Variants in IDH2 observed in about 807,000 individuals in gnomAD.
IDH2 encodes the protein isocitrate dehydrogenase (NADP(+)) 2.
A neutral mutation model predicts 50.5 loss-of-function variants in IDH2; 18 were observed. That is an observed-to-expected ratio of 0.36 (90% CI 0.25 to 0.53). The LOEUF is 0.53. Among genes scored for constraint, IDH2 ranks in the 20% least tolerant of loss-of-function variants. The pLI is 0.92. For missense variants in IDH2, 518 were observed against 610.7 expected (o/e 0.85, Z 1.60); for synonymous variants, 280 against 239.8 (o/e 1.17, Z -1.55).
Position 90,100,380 on chromosome 15 carries a change from C to T in IDH2, c.115+1896G>A, listed in dbSNP as rs1223732667. Among the ~76,000 whole-genome samples the T allele has an allele frequency of 6.6e-6, 1 of 152,172 alleles. No homozygotes were observed. Among genetic ancestry groups the T allele is most frequent in the African/African-American group, 2.4e-5 (1 of 41,444 alleles). Reference sequence around the variant, plus strand: ...CAAAGAGGCTTTTCCTCAGTACCTACTAGGCCTAAACACAACCACCCCAAT... The same window carrying T: ...CAAAGAGGCTTTTCCTCAGTACCTATTAGGCCTAAACACAACCACCCCAAT... On this transcript the variant is annotated intron_variant, in intron 1 of 10. Transcript: ENST00000330062. This position sits in a 1 kb window ranked among gnomAD's most constrained non-coding sequence, Gnocchi z 4.1.
chr15:90,101,625 C>T (rs1901333536), intron 1 of IDH2, among the ~76,000 whole-genome samples: 3 of 147,384 alleles, frequency 2.0e-5, no homozygotes, highest in Non-Finnish European at 4.5e-5. Flanking sequence ...CAAGGCAGGT[C>T]AAGTCAAGGA....
chr15:90,093,907 AC>A (rs1901114952), intron 1 of IDH2, among the ~76,000 whole-genome samples: 1 of 55,274 alleles, frequency 1.8e-5, no homozygotes, highest in Non-Finnish European at 7.7e-5. Context: ...GGCGTGAGCC[AC>A]CACGCCTGGC....
chr15:90,088,315 C>T (rs371444140), intron 5 of IDH2, 44 bp downstream of exon 5: 9 of 1,609,034 alleles, frequency 5.6e-6, no homozygotes, highest in Middle Eastern at 2.1e-4. Flanking sequence ...GATGAAGAGA[C>T]AAGCTGGGAG....
rs773486107 is a variant in IDH2 at position 90,088,697 on chromosome 15, T to C, written c.424A>G (p.Ile142Val). The C allele has an allele frequency of 6.2e-7, 1 of 1,614,012 alleles. No homozygotes were observed. The highest frequency in any genetic ancestry group is 8.5e-7 in the Non-Finnish European group (1 of 1,180,044). ...TCCCGGAAGACAGTCCCCCCCAGGA[T>C]GTTCCGGATAGTTCCATTGGGACTT... is the stretch of plus-strand genomic sequence containing the variant. The part of the protein sequence containing the change: ...WKSPNGTIRN[I>V]LGGTVFREPI... Residue 142 changes from isoleucine to valine, a missense_variant, in exon 4 of 11, where the codon ATC becomes GTC. By Grantham distance (29) the Ile-to-Val change is conservative. Around this residue, in one of 5 missense-constraint regions of IDH2, gnomAD observed 207 missense variants for 208.6 expected, o/e 0.99. Transcript: ENST00000330062.
intron 2 of IDH2, among the ~76,000 whole-genome samples, chr15:90,090,916 C>A (rs1216763295): frequency 6.6e-6 from 1 of 152,154 alleles, no homozygotes; most frequent in African/African-American, 2.4e-5. Context: ...CCTGTGTGCC[C>A]CCCTCACATG....
chr15:90,087,690 C>T (rs372473577), intron 5 of IDH2, 115 bp from the exon 6 acceptor site: 3 of 1,207,660 alleles, frequency 2.5e-6, no homozygotes, highest in Admixed American at 3.4e-5. Flanking sequence ...GCCGCCCACG[C>T]GACTGTTTAA....
chr15:90,090,792 G>T (rs1038872082), intron 2 of IDH2, 148 bp from the exon 3 acceptor site: 9 of 836,738 alleles, frequency 1.1e-5, no homozygotes, highest in Non-Finnish European at 1.4e-5. Flanking sequence ...GCAGCAGAAA[G>T]CTGGAGTCAG....
rs1168596404 is a variant in IDH2, at chr15:90,087,514, T to C, written c.740A>G (p.Tyr247Cys). 6.2e-7 allele frequency: 1 copy of C among 1,614,190 alleles called. No individual in the cohort carries two copies. The highest frequency in any genetic ancestry group is 1.1e-5 in the South Asian group (1 of 91,078). Residue 247 changes from tyrosine to cysteine, a missense_variant, in exon 6 of 11, where the codon TAC (tyrosine) becomes TGC (cysteine). By Grantham distance (194) the Tyr-to-Cys change is radical. Coordinates refer to ENST00000330062, the MANE Select transcript of IDH2 (RefSeq NM_002168.4). Reference sequence around the variant, plus strand: ...CAGTATGGTGTTCTTGGTGCTCATGTACAGCGGCCATTTCTTCTGGATGGC... The same window carrying C: ...CAGTATGGTGTTCTTGGTGCTCATGCACAGCGGCCATTTCTTCTGGATGGC... ...QYAIQKKWPL[Y>C]MSTKNTILKA...
In IDH2 at chr15:90,087,969, C is replaced by A. The variant is rs572089943; in HGVS notation, c.678+390G>T. Among the ~76,000 whole-genome samples the A allele has an allele frequency of 4.6e-5, 7 of 152,184 alleles. No individual in the cohort carries two copies. The South Asian group carries it at 1.5e-3, about 32-fold the overall frequency. ...CTCCCCAGGGCCTCTGTGATTGGCT[C>A]AGAGGTGGTCATGTGACTCAGCCTG... On this transcript the variant is annotated intron_variant, in intron 5 of 10. Transcript: ENST00000330062.
chr15:90,095,472 T>TAAAAAAA (rs10622800), intron 1 of IDH2, among the ~76,000 whole-genome samples: 2 of 143,444 alleles, frequency 1.4e-5, no homozygotes, highest in African/African-American at 5.2e-5. Flanking sequence ...TCAAATTTGT[T>TAAAAAAA]AAAAAAAAAA....
intron 1 of IDH2, among the ~76,000 whole-genome samples, chr15:90,095,597 A>G (rs1309211953): frequency 6.6e-6 from 1 of 152,140 alleles, no homozygotes; most frequent in Non-Finnish European, 1.5e-5. Flanking sequence ...CATGGCTAGG[A>G]GAGTTCAAGG....
intron 5 of IDH2, among the ~76,000 whole-genome samples, chr15:90,088,000 G>C (rs916061821): frequency 5.9e-5 from 9 of 152,076 alleles, no homozygotes; most frequent in South Asian, 2.1e-4. Flanking sequence ...GCCTGGCATT[G>C]GAGCTGGAAC....
At chr15:90,090,889 G>A (rs1237337989) in intron 2 of IDH2, among the ~76,000 whole-genome samples, 1 of 152,160 alleles carries the variant, frequency 6.6e-6, no homozygotes, top group Non-Finnish European at 1.5e-5. Context: ...CTTTTGGAGG[G>A]TTCTTCCTCC....
At chr15:90,093,200 G>A (rs1037963969) in intron 1 of IDH2, among the ~76,000 whole-genome samples, 7 of 139,586 alleles carry the variant, frequency 5.0e-5, no homozygotes, top group Admixed American at 1.4e-4. Context: ...TTTACTTATT[G>A]TTTAGAGTCA....
Position 90,091,565 on chromosome 15 carries a change from G to A in IDH2, c.195C>T (p.Phe65=). The A allele has an allele frequency of 5.0e-6, 8 of 1,613,988 alleles. No homozygotes were observed. Among genetic ancestry groups the A allele is most frequent in the South Asian group, 1.1e-5 (1 of 91,076 alleles). The change falls in exon 2 of 11, where the codon TTC becomes TTT. Residue 65 remains phenylalanine, a synonymous_variant. Coordinates refer to ENST00000330062, the MANE Select transcript of IDH2 (RefSeq NM_002168.4). ...GDEMTRIIWQ[F]IKEKLILPHV... ...GAGGGGGCACTACCTTCTCCTTGATGAACTGCCAGATAATACGGGTCATCT... is the reference window on the plus strand; with the variant it reads ...GAGGGGGCACTACCTTCTCCTTGATAAACTGCCAGATAATACGGGTCATCT...
chr15:90,093,611 T>TTAA (rs1596078117), intron 1 of IDH2, among the ~76,000 whole-genome samples: 1 of 134,626 alleles, frequency 7.4e-6, no homozygotes, highest in East Asian at 2.0e-4. Context: ...AATTAATTAA[T>TTAA]TTATTTATTT....
Position 90,102,406 on chromosome 15 carries a change from G to C in IDH2, c.-16C>G. 1 of 1,306,340 alleles carries C rather than the reference G, an allele frequency of 7.7e-7. No homozygotes were observed. The highest frequency in any genetic ancestry group is 1.5e-5 in the African/African-American group (1 of 65,688). 80.9% of individuals were successfully genotyped at this position (1,306,340 alleles called of 1,614,324 possible). ...AGCCGGCCATCCCAAGCTGGAGAGC[G>C]AACGAGCAGGGCGGGAGAGGTCCGA... is the stretch of plus-strand genomic sequence containing the variant. On this transcript the variant is annotated 5_prime_UTR_variant, in exon 1 of 11. Coordinates refer to ENST00000330062, the MANE Select transcript of IDH2 (RefSeq NM_002168.4).
At chr15:90,089,162 C>T (rs1335402907) in intron 3 of IDH2, among the ~76,000 whole-genome samples, 1 of 152,032 alleles carries the variant, frequency 6.6e-6, no homozygotes, top group African/African-American at 2.4e-5. Flanking sequence ...GATCCACCCG[C>T]CTCGGCTTCC....
chr15:90,088,547 G>T (rs2151549413), intron 4 of IDH2, 40 bp downstream of exon 4: 3 of 1,614,202 alleles, frequency 1.9e-6, no homozygotes, highest in South Asian at 1.1e-5. Flanking sequence ...CCAGTCGGGG[G>T]GTGCCCAGGT....
Sources: allele counts gnomAD v4.1 joint callset (sites outside exome capture counted in the v4.1 genomes callset), GRCh38; gene constraint gnomAD v4.1.1; regional missense constraint gnomAD v4.1.1; non-coding constraint Gnocchi (gnomAD v3.1); transcripts MANE v1.5; gene names NCBI Gene and HGNC (gene_info 2026-07-23, HGNC 2026-07-21).